EFCAB11: variants seen among roughly 807,000 people sequenced by gnomAD.
The protein encoded by EFCAB11 is EF-hand calcium-binding domain-containing protein 11.
A neutral mutation model predicts 23.0 loss-of-function variants in EFCAB11; 14 were observed. The ratio of observed to expected loss-of-function variants is 0.61; its 90% confidence interval spans 0.40 to 0.95. The LOEUF (loss-of-function observed/expected upper bound fraction) is 0.95, where lower values mean the gene tolerates loss of function less well. Among genes scored for constraint, EFCAB11 ranks in the 40% least tolerant of loss-of-function variants. The probability of loss-of-function intolerance (pLI) is 0.00; values close to 1 mark genes in which losing one functional copy is unlikely to be tolerated. For missense variants in EFCAB11, 198 were observed against 195.8 expected (o/e 1.01, Z -0.07); for synonymous variants, 65 against 66.6 (o/e 0.98, Z 0.11).
rs1471217872 is a variant in EFCAB11 at position 89,796,925 on chromosome 14, C to G, written c.*318G>C. The G allele has an allele frequency of 5.1e-6, 1 of 195,628 alleles. No homozygotes were observed. The highest frequency in any genetic ancestry group is 5.4e-5 in the Admixed American group (1 of 18,484). 12.1% of individuals were successfully genotyped at this position (195,628 alleles called of 1,614,324 possible). A position where few individuals can be genotyped will look rare whatever the true frequency, so the allele number is the denominator to read the frequency against. On this transcript the variant is annotated 3_prime_UTR_variant, in exon 6 of 6. Coordinates refer to ENST00000316738, the MANE Select transcript of EFCAB11 (RefSeq NM_145231.4). Reference sequence around the variant, plus strand: ...CAGCTCTAGCAATGGCGGCCTGACTCAGGGCTGCTGGCCACACAGAAGGAG... The same window carrying G: ...CAGCTCTAGCAATGGCGGCCTGACTGAGGGCTGCTGGCCACACAGAAGGAG...
At chr14:89,954,376 G>A in intron 1 of EFCAB11, 1 of 1,536,130 alleles carries the variant, frequency 6.5e-7, no homozygotes, top group Non-Finnish European at 8.7e-7. Flanking sequence ...TATATAGAGA[G>A]AAAGGAGATG....
intron 5 of EFCAB11, among the ~76,000 whole-genome samples, chr14:89,813,728 C>T (rs1225129778): frequency 6.7e-6 from 1 of 150,360 alleles, no homozygotes; most frequent in East Asian, 2.0e-4. Flanking sequence ...TTTCCCATTG[C>T]GTGCAGCTGA....
intron 5 of EFCAB11, chr14:89,892,229 G>A: frequency 1.2e-6 from 2 of 1,609,318 alleles, no homozygotes; most frequent in Non-Finnish European, 1.7e-6. Flanking sequence ...CGAGGAGCTA[G>A]CTGCCTCCCT....
chr14:89,821,021 C>T (rs1886499579), intron 5 of EFCAB11, among the ~76,000 whole-genome samples: 1 of 152,036 alleles, frequency 6.6e-6, no homozygotes, highest in Non-Finnish European at 1.5e-5. Flanking sequence ...GATCAAATGC[C>T]TGGCTAATTT....
At chr14:89,876,362 T>C (rs1596416937) in intron 5 of EFCAB11, among the ~76,000 whole-genome samples, 1 of 152,338 alleles carries the variant, frequency 6.6e-6, no homozygotes, top group East Asian at 1.9e-4. Context: ...TTGGTCATGC[T>C]ATCTCCAAGA....
intron 3 of EFCAB11, among the ~76,000 whole-genome samples, chr14:89,949,019 C>G (rs1330136162): frequency 6.6e-6 from 1 of 152,100 alleles, no homozygotes; most frequent in Non-Finnish European, 1.5e-5. Context: ...ATAAATGCTT[C>G]ATAGCATGGA....
chr14:89,891,752 T>TA (rs1472147210), intron 5 of EFCAB11, among the ~76,000 whole-genome samples: 19 of 152,056 alleles, frequency 1.2e-4, no homozygotes, highest in African/African-American at 4.3e-4. Context: ...GCAAACTGAA[T>TA]CCTACTGTGC....
intron 4 of EFCAB11, among the ~76,000 whole-genome samples, 189 bp downstream of exon 4, chr14:89,932,337 C>T (rs921574169): frequency 6.6e-6 from 1 of 152,130 alleles, no homozygotes; most frequent in Non-Finnish European, 1.5e-5. Context: ...AATACTATTT[C>T]ATCTATGGTA....
At chr14:89,948,918 A>G (rs1891068074) in intron 3 of EFCAB11, among the ~76,000 whole-genome samples, 2 of 152,162 alleles carry the variant, frequency 1.3e-5, no homozygotes, top group African/African-American at 4.8e-5. Context: ...AGTATTTGAT[A>G]GTACAGAATG....
rs142830656 is a variant in EFCAB11 at position 89,882,784 on chromosome 14, T to C, written c.410+48757A>G. Among the ~76,000 whole-genome samples, 146 of 152,214 alleles carry C rather than the reference T, an allele frequency of 9.6e-4. 4 individuals carry two copies. In the East Asian group the frequency reaches 0.021, roughly 22 times the overall value. ...CTAAAAAGTCCTACAGCTACCGCTA[T>C]GGTTTGGATGTTTGTCCCCTCAGAC... On this transcript the variant is annotated intron_variant, in intron 5 of 5. Transcript: ENST00000316738.
chr14:89,893,217 A>G (rs6575094), intron 5 of EFCAB11, among the ~76,000 whole-genome samples: 128,006 of 152,204 alleles, frequency 0.84, 54,297 homozygotes, highest in African/African-American at 0.95. Context: ...CAGGTGCGGG[A>G]AATTCCAAGG....
At chr14:89,800,771 G>A (rs974061439) in intron 5 of EFCAB11, among the ~76,000 whole-genome samples, 1 of 152,008 alleles carries the variant, frequency 6.6e-6, no homozygotes, top group African/African-American at 2.4e-5. Flanking sequence ...GGCTGGGTGT[G>A]GTGGCTCACA....
At chr14:89,930,774 T>C (rs543116680) in intron 5 of EFCAB11, among the ~76,000 whole-genome samples, 1 of 152,334 alleles carries the variant, frequency 6.6e-6, no homozygotes, top group Non-Finnish European at 1.5e-5. Flanking sequence ...TGAATTTCTA[T>C]ATTTTTTGAG....
chr14:89,801,699 A>G (rs1317160311), intron 5 of EFCAB11, among the ~76,000 whole-genome samples: 2 of 152,212 alleles, frequency 1.3e-5, no homozygotes, highest in Non-Finnish European at 2.9e-5. Context: ...TCATTGTATT[A>G]AAAAGTGGTT....
At chr14:89,929,695 C>A (rs760992104) in intron 5 of EFCAB11, among the ~76,000 whole-genome samples, 1 of 152,122 alleles carries the variant, frequency 6.6e-6, no homozygotes, top group Non-Finnish European at 1.5e-5. Context: ...CAGGACATTC[C>A]ATTTTAAACA....
At chr14:89,849,043 CTAAA>C (rs1887517343) in intron 5 of EFCAB11, 1 of 152,154 alleles carries the variant, frequency 6.6e-6, no homozygotes, top group African/African-American at 2.4e-5. Context: ...TACTTTTTCC[CTAAA>C]TAAATTTTGG....
In EFCAB11 at chr14:89,940,051, A is replaced by T. The variant is rs543045815; in HGVS notation, c.218-7424T>A. 3.3e-5 allele frequency among the ~76,000 whole-genome samples: 5 copies of T among 152,256 alleles called. No homozygotes were observed. The East Asian group carries it at 7.7e-4, about 23-fold the overall frequency. ...CGTGCCCAGCCCACATAAAATATATATTTTTAAATGTCTTTAGGTCAGTGT... is the reference window on the plus strand; with the variant it reads ...CGTGCCCAGCCCACATAAAATATATTTTTTTAAATGTCTTTAGGTCAGTGT... On this transcript the variant is annotated intron_variant, in intron 3 of 5. Transcript: ENST00000316738.
At chr14:89,865,931 G>C (rs538720823) in intron 5 of EFCAB11, among the ~76,000 whole-genome samples, 67 of 152,094 alleles carry the variant, frequency 4.4e-4, no homozygotes, top group African/African-American at 1.5e-3. Context: ...GCCTCCCAAA[G>C]TGTTGGGATT....
chr14:89,881,452 C>CGCATATATATATATAT (rs1555374291), intron 5 of EFCAB11, among the ~76,000 whole-genome samples: 1 of 46,710 alleles, frequency 2.1e-5, no homozygotes, highest in African/African-American at 7.2e-5. Context: ...TATGACTTGG[C>CGCATATATATATATAT]ATATATATAT....
Sources: allele counts gnomAD v4.1 joint callset (sites outside exome capture counted in the v4.1 genomes callset), GRCh38; gene constraint gnomAD v4.1.1; transcripts MANE v1.5; gene names NCBI Gene and HGNC (gene_info 2026-07-23, HGNC 2026-07-21).